Variants in WDR1 observed in about 807,000 individuals in gnomAD.
WDR1 encodes WD repeat domain 1, also known as WD repeat-containing protein 1.
WDR1 carries 21 observed loss-of-function variants against 71.9 expected under a neutral mutation model. The ratio of observed to expected loss-of-function variants is 0.29; its 90% CI spans 0.21 to 0.42. WDR1 has a LOEUF of 0.42. Ranked by LOEUF, WDR1 falls within the 10% of genes least tolerant of loss-of-function variation. WDR1 has a pLI of 1.00. For missense variants in WDR1, 696 were observed against 824.5 expected (o/e 0.84, Z 1.91); for synonymous variants, 424 against 347.4 (o/e 1.22, Z -2.45).
intron 3 of WDR1, among the ~76,000 whole-genome samples, chr4:10,100,010 G>A (rs1323475245): frequency 2.0e-5 from 3 of 152,274 alleles, no homozygotes; most frequent in East Asian, 1.9e-4. Context: ...CTCTCCAAAT[G>A]AGCACTGTGT....
intron 10 of WDR1, 121 bp downstream of exon 10, chr4:10,082,901 G>C: frequency 7.8e-7 from 1 of 1,277,546 alleles, no homozygotes; most frequent in East Asian, 2.5e-5. Flanking sequence ...GCTGGGGACG[G>C]GGTGGGAGAG....
At chr4:10,095,092 A>G (rs1321829773) in intron 5 of WDR1, among the ~76,000 whole-genome samples, 1 of 152,188 alleles carries the variant, frequency 6.6e-6, no homozygotes, top group Non-Finnish European at 1.5e-5. Flanking sequence ...GTGGGTGCAG[A>G]AGGCGCAGAT....
intron 12 of WDR1, 103 bp downstream of exon 12, chr4:10,078,788 C>G: frequency 9.9e-7 from 1 of 1,008,834 alleles, no homozygotes; most frequent in East Asian, 3.0e-5. Flanking sequence ...CCCCTGACCC[C>G]TCGCCTTCCC....
At chr4:10,086,055 AC>A (rs1711529349) in intron 8 of WDR1, among the ~76,000 whole-genome samples, 1 of 152,272 alleles carries the variant, frequency 6.6e-6, no homozygotes, top group African/African-American at 2.4e-5. Flanking sequence ...GCCAACAGAA[AC>A]GGGACGGCAG....
At chr4:10,098,276 A>T (rs182358670) in intron 4 of WDR1, among the ~76,000 whole-genome samples, 69 of 152,344 alleles carry the variant, frequency 4.5e-4, no homozygotes, top group African/African-American at 1.3e-3. Flanking sequence ...TTCAACAAAA[A>T]CACTGTTTTA....
rs780980735 is a variant in WDR1 at position 10,077,876 on chromosome 4, C to T, written c.1446G>A (p.Glu482=). ...GGCCCTTGGCCTCTAGGAGCTTGCC[C>T]TCATCCTTCAGCGTGGTGCCCAGGA... is the stretch of plus-strand genomic sequence containing the variant. The part of the protein sequence containing the change: ...YSILGTTLKD[E]GKLLEAKGPV... The change falls in exon 13 of 15, where the codon GAG becomes GAA. Residue 482 remains glutamate (E), a synonymous_variant. Transcript: ENST00000499869. The T allele has an allele frequency of 9.3e-6, 15 of 1,611,498 alleles. No individual in the cohort carries two copies. The highest frequency in any genetic ancestry group is 1.6e-4 in the Middle Eastern group (1 of 6,078).
At chr4:10,084,954 G>A (rs925589657) in intron 8 of WDR1, among the ~76,000 whole-genome samples, 4 of 152,244 alleles carry the variant, frequency 2.6e-5, no homozygotes, top group Non-Finnish European at 5.9e-5. Flanking sequence ...TCAGGCCCTG[G>A]TTTGTGAGGT....
chr4:10,084,645 C>A, intron 8 of WDR1, 115 bp from the exon 9 acceptor site: 1 of 933,860 alleles, frequency 1.1e-6, no homozygotes, highest in Non-Finnish European at 1.7e-6. Context: ...CCCCTCAATC[C>A]ATGGCAGTGC....
At chr4:10,084,153 C>T (rs968681807) in intron 9 of WDR1, among the ~76,000 whole-genome samples, 2 of 152,220 alleles carry the variant, frequency 1.3e-5, no homozygotes, top group African/African-American at 2.4e-5. Flanking sequence ...AGCTCAGGGC[C>T]GTTAAGCCAC....
Position 10,077,897 on chromosome 4 carries a change from C to G in WDR1, c.1425G>C (p.Leu475=). The G allele has an allele frequency of 6.2e-7, 1 of 1,610,848 alleles. No individual in the cohort carries two copies. The highest frequency in any genetic ancestry group is 1.1e-5 in the South Asian group (1 of 90,508). Residue 475 remains leucine (L), a synonymous_variant, in exon 13 of 15, where the codon CTG becomes CTC. Transcript: ENST00000499869. ...VDGNVRLYSI[L]GTTLKDEGKL... ...TGCCCTCATCCTTCAGCGTGGTGCC[C>G]AGGATGGAATACAGGCGGACGTTGC...
At chr4:10,084,615 G>T in intron 8 of WDR1, 85 bp from the exon 9 acceptor site, 1 of 1,288,002 alleles carries the variant, frequency 7.8e-7, no homozygotes, top group South Asian at 1.2e-5. Flanking sequence ...GAAGCTTCTG[G>T]GTAATGGAGG....
chr4:10,083,069 G>A lies in WDR1; in HGVS notation c.1149C>T (p.Ser383=). 1 of 1,613,890 alleles carries A rather than the reference G, an allele frequency of 6.2e-7. No homozygotes were observed. The highest frequency in any genetic ancestry group is 2.2e-5 in the East Asian group (1 of 44,882). ...VDESGQLISC[S]MDDTVRYTSL... ...TGGTGTACCGCACGGTGTCGTCCAT[G>A]CTGCAGCTGATGAGCTGCCCCGACT... Residue 383 remains serine, a synonymous_variant, in exon 10 of 15, where the codon AGC becomes AGT. Transcript: ENST00000499869.
intron 8 of WDR1, among the ~76,000 whole-genome samples, chr4:10,085,846 T>G (rs1711519110): frequency 6.6e-6 from 1 of 152,212 alleles, no homozygotes; most frequent in South Asian, 2.1e-4. Flanking sequence ...AACATCAGCA[T>G]CTGCGTGACT....
intron 1 of WDR1, 152 bp downstream of exon 1, chr4:10,116,499 C>G: frequency 3.1e-6 from 2 of 654,298 alleles, no homozygotes; most frequent in Non-Finnish European, 3.9e-6. Context: ...CGCCCTGCAC[C>G]ACCGAGGGCG....
intron 10 of WDR1, among the ~76,000 whole-genome samples, 169 bp from the exon 11 acceptor site, chr4:10,081,613 T>C (rs2109642239): frequency 7.6e-6 from 1 of 131,302 alleles, no homozygotes; most frequent in South Asian, 2.5e-4. Context: ...AAACGATCCA[T>C]GACTCTGGTG....
At chr4:10,097,913 GA>G (rs759187029) in intron 4 of WDR1, 22 bp from the exon 5 acceptor site, 1 of 1,217,010 alleles carries the variant, frequency 8.2e-7, no homozygotes, top group African/African-American at 1.7e-5. Flanking sequence ...GACACAGGTG[GA>G]AGACAAAAAA....
chr4:10,091,306 G>C (rs1170396532), intron 5 of WDR1, among the ~76,000 whole-genome samples: 2 of 152,230 alleles, frequency 1.3e-5, no homozygotes, highest in African/African-American at 4.8e-5. Flanking sequence ...TGTGTTCTAA[G>C]TTTTCTAGCA....
chr4:10,104,188 C>T (rs113278374), intron 2 of WDR1, among the ~76,000 whole-genome samples: 48 of 152,318 alleles, frequency 3.2e-4, no homozygotes, highest in African/African-American at 1.1e-3. Flanking sequence ...TTTCATGTTA[C>T]TTTAATTCGT....
chr4:10,076,916 G>A (rs1764818513), intron 14 of WDR1: 2 of 192,802 alleles, frequency 1.0e-5, no homozygotes, highest in Non-Finnish European at 2.1e-5. Flanking sequence ...CATTTCACCT[G>A]TTTCTTTTTT....
Sources: gnomAD v4.1 joint callset for allele counts (sites outside exome capture counted in the v4.1 genomes callset) on GRCh38, gnomAD v4.1.1 for gene constraint, MANE v1.5 for transcripts, NCBI Gene and HGNC (gene_info 2026-07-23, HGNC 2026-07-21) for gene names.